Variants in ASIC2 observed in about 807,000 individuals in gnomAD.
ASIC2 encodes acid sensing ion channel subunit 2.
A neutral mutation model predicts 57.3 loss-of-function variants in ASIC2; 25 were observed. That is an observed-to-expected ratio of 0.44 (90% CI 0.32 to 0.61). The LOEUF is 0.61. ASIC2 is among the 20% of genes least tolerant of loss of function. The pLI is 0.06. For missense variants in ASIC2, 641 were observed against 738.1 expected, an observed-to-expected ratio of 0.87 and a Z score of 1.52; for synonymous variants, 319 against 307.5, an observed-to-expected ratio of 1.04 and a Z score of -0.39.
At chr17:33,987,958 A>G (rs894412416) in intron 1 of ASIC2, among the ~76,000 whole-genome samples, 1 of 152,248 alleles carries the variant, frequency 6.6e-6, no homozygotes, top group Non-Finnish European at 1.5e-5. Context: ...AGGTCTTTTG[A>G]CAGCATGTAA....
intron 1 of ASIC2, among the ~76,000 whole-genome samples, chr17:33,217,902 T>C (rs781353910): frequency 6.6e-6 from 1 of 152,186 alleles, no homozygotes; most frequent in Non-Finnish European, 1.5e-5. Flanking sequence ...GTGTGCTAAG[T>C]AGCAGCTCCC....
chr17:33,579,404 G>C (rs187539728), intron 1 of ASIC2, among the ~76,000 whole-genome samples: 4 of 152,004 alleles, frequency 2.6e-5, no homozygotes, highest in African/African-American at 9.7e-5. Flanking sequence ...TATTCTGGAG[G>C]GGAAGGTAGA....
intron 1 of ASIC2, among the ~76,000 whole-genome samples, chr17:33,406,629 G>C (rs1910485544): frequency 6.6e-6 from 1 of 152,182 alleles, no homozygotes; most frequent in Non-Finnish European, 1.5e-5. Context: ...GCTGCCATGA[G>C]GATTAAATAG....
At chr17:33,637,029 C>G (rs1906394321) in intron 1 of ASIC2, among the ~76,000 whole-genome samples, 1 of 152,120 alleles carries the variant, frequency 6.6e-6, no homozygotes, top group Non-Finnish European at 1.5e-5. Flanking sequence ...TTCTTCTCCT[C>G]CCCTTGTTCC....
At chr17:33,796,776 C>T (rs1911930515) in intron 1 of ASIC2, among the ~76,000 whole-genome samples, 1 of 152,164 alleles carries the variant, frequency 6.6e-6, no homozygotes, top group South Asian at 2.1e-4. Context: ...TTCTGCCATA[C>T]AGAGAAACTT....
At chr17:33,588,226 A>G (rs1345395345) in intron 1 of ASIC2, among the ~76,000 whole-genome samples, 1 of 152,248 alleles carries the variant, frequency 6.6e-6, no homozygotes, top group East Asian at 1.9e-4. Flanking sequence ...GGACAACAGA[A>G]ATCTTGACCT....
chr17:33,639,761 G>GAAAAAAAA (rs3032192), intron 1 of ASIC2, among the ~76,000 whole-genome samples: 2 of 125,106 alleles, frequency 1.6e-5, no homozygotes, highest in African/African-American at 3.1e-5. Flanking sequence ...CTCAGGTTAA[G>GAAAAAAAA]AAAAAAAAAA....
At chr17:33,839,631 C>T (rs1913373557) in intron 1 of ASIC2, among the ~76,000 whole-genome samples, 1 of 152,104 alleles carries the variant, frequency 6.6e-6, no homozygotes, top group Non-Finnish European at 1.5e-5. Flanking sequence ...AGCCTTGTGC[C>T]CAGGAAACCC....
At chr17:33,178,384 A>G (rs182604282) in intron 1 of ASIC2, among the ~76,000 whole-genome samples, 75 of 152,316 alleles carry the variant, frequency 4.9e-4, no homozygotes, top group Middle Eastern at 3.4e-3. Flanking sequence ...GGAGCTGTGA[A>G]ATTTGGAGTG....
chr17:33,397,961 A>T (rs1045632721), intron 1 of ASIC2, among the ~76,000 whole-genome samples: 1 of 152,184 alleles, frequency 6.6e-6, no homozygotes, highest in Non-Finnish European at 1.5e-5. Context: ...GACCTTCTCA[A>T]TCAGGATCAT....
At chr17:33,338,568 G>A (rs527994655) in intron 1 of ASIC2, among the ~76,000 whole-genome samples, 2 of 152,302 alleles carry the variant, frequency 1.3e-5, no homozygotes, top group African/African-American at 4.8e-5. Flanking sequence ...AATGATCAGA[G>A]GTGGAATGGC....
intron 1 of ASIC2, among the ~76,000 whole-genome samples, chr17:33,933,258 G>C (rs1214792994): frequency 6.6e-6 from 1 of 152,184 alleles, no homozygotes; most frequent in Non-Finnish European, 1.5e-5. Context: ...CTCAATCCCA[G>C]TCAGAACCAA....
chr17:33,648,036 C>A (rs1906800106), intron 1 of ASIC2, among the ~76,000 whole-genome samples: 1 of 152,188 alleles, frequency 6.6e-6, no homozygotes. Context: ...TGAGGACGGT[C>A]CCCATCATGA....
intron 1 of ASIC2, among the ~76,000 whole-genome samples, chr17:33,943,122 GA>G (rs1916227613): frequency 6.6e-6 from 1 of 152,200 alleles, no homozygotes; most frequent in South Asian, 2.1e-4. Flanking sequence ...ATCACACAAT[GA>G]GGAAATGATA....
intron 1 of ASIC2, among the ~76,000 whole-genome samples, chr17:33,416,083 G>A (rs1275245559): frequency 6.6e-6 from 1 of 152,162 alleles, no homozygotes; most frequent in African/African-American, 2.4e-5. Context: ...GGGTGGTTCT[G>A]CCTTGCATTT....
chr17:33,845,752 A>G (rs1913576302), intron 1 of ASIC2, among the ~76,000 whole-genome samples: 1 of 152,218 alleles, frequency 6.6e-6, no homozygotes, highest in African/African-American at 2.4e-5. Context: ...TACATCCAGC[A>G]TATAAAATAA....
At chr17:33,369,647 C>G (rs914168694) in intron 1 of ASIC2, among the ~76,000 whole-genome samples, 2 of 152,040 alleles carry the variant, frequency 1.3e-5, no homozygotes, top group African/African-American at 4.8e-5. Context: ...GAATGATTAC[C>G]CCATGTTACA....
At chr17:33,787,970 G>A (rs769624737) in intron 1 of ASIC2, among the ~76,000 whole-genome samples, 23 of 152,190 alleles carry the variant, frequency 1.5e-4, no homozygotes, top group Admixed American at 7.2e-4. Flanking sequence ...AGAAGAAAAC[G>A]TAGGCAATAC....
intron 1 of ASIC2, among the ~76,000 whole-genome samples, chr17:33,851,141 T>G (rs918224106): frequency 2.0e-5 from 3 of 152,216 alleles, no homozygotes; most frequent in Non-Finnish European, 4.4e-5. Flanking sequence ...TCTTCCAGTT[T>G]AAAGACTGTA....
Sources: gnomAD v4.1 joint callset for allele counts (sites outside exome capture counted in the v4.1 genomes callset) on GRCh38, gnomAD v4.1.1 for gene constraint, MANE v1.5 for transcripts, NCBI Gene and HGNC (gene_info 2026-07-23, HGNC 2026-07-21) for gene names.